The following TMEM87A variants were observed in gnomAD, a reference collection of about 807,000 sequenced individuals.
TMEM87A encodes Golgi-pH regulating cation channel.
TMEM87A carries 50 observed loss-of-function variants against 90.0 expected under a neutral mutation model. The ratio of observed to expected loss-of-function variants is 0.56; its 90% CI spans 0.44 to 0.70. The LOEUF (loss-of-function observed/expected upper bound fraction) is 0.70, where lower values mean the gene tolerates loss of function less well. TMEM87A is among the 30% of genes least tolerant of loss of function. The pLI is 0.00. For synonymous variants in TMEM87A, 226 were observed against 226.7 expected, an observed-to-expected ratio of 1.00 and a Z score of 0.03; for missense variants, 577 against 660.5, an observed-to-expected ratio of 0.87 and a Z score of 1.39.
intron 13 of TMEM87A, 65 bp from the exon 14 acceptor site, chr15:42,227,834 C>CA: frequency 1.4e-6 from 2 of 1,457,906 alleles, no homozygotes; most frequent in Non-Finnish European, 1.9e-6. Flanking sequence ...TTACATTCCC[C>CA]CATTTCCGGT....
chr15:42,244,214 A>G (rs1397285965), intron 6 of TMEM87A, 47 bp from the exon 7 acceptor site: 9 of 1,321,470 alleles, frequency 6.8e-6, no homozygotes, highest in African/African-American at 1.5e-5. Context: ...AAGAATTAAG[A>G]GCACAAATTA....
chr15:42,255,162 T>C (rs2051153846), intron 6 of TMEM87A, among the ~76,000 whole-genome samples: 1 of 151,900 alleles, frequency 6.6e-6, no homozygotes, highest in Non-Finnish European at 1.5e-5. Flanking sequence ...AGACGGAGTT[T>C]TGCTCTTGTC....
rs779660502 is a variant in TMEM87A at position 42,226,903 on chromosome 15, G to T, written c.1306C>A (p.Arg436=). ...FRIVTCQSDW[R]ELWVDDAIWR... ...ATGGCATCGTCTACCCACAGCTCCCGCCAGTCCTACAATACAGGGGAGAAG... is the reference window on the plus strand; with the variant it reads ...ATGGCATCGTCTACCCACAGCTCCCTCCAGTCCTACAATACAGGGGAGAAG... Residue 436 remains arginine, a synonymous_variant, in exon 15 of 20, where the codon CGG becomes AGG. Coordinates refer to ENST00000389834, the MANE Select transcript of TMEM87A (RefSeq NM_015497.5). 3 of 1,613,692 alleles carry T rather than the reference G, an allele frequency of 1.9e-6. No individual in the cohort carries two copies. In the East Asian group the frequency reaches 6.7e-5, roughly 36 times the overall value.
Position 42,236,405 on chromosome 15 carries a change from T to G in TMEM87A, c.883A>C (p.Ile295Leu). The part of the protein sequence containing the change: ...YKGESVQGAL[I>L]LAELLSAVKR... ...ACTGCTGAAAGCAGCTCTGCAAGGATCAAAGCACCCTGGACTATGAAAAAG... is the reference window on the plus strand; with the variant it reads ...ACTGCTGAAAGCAGCTCTGCAAGGAGCAAAGCACCCTGGACTATGAAAAAG... The change falls in exon 10 of 20, where the codon ATC becomes CTC. Residue 295 changes from isoleucine (I) to leucine (L), a missense_variant. Coordinates refer to ENST00000389834, the MANE Select transcript of TMEM87A (RefSeq NM_015497.5). 1 of 1,614,030 alleles carries G rather than the reference T, an allele frequency of 6.2e-7. No homozygotes were observed.
In TMEM87A at chr15:42,260,963, T is replaced by C. The variant is rs2051277247; in HGVS notation, c.499A>G (p.Lys167Glu). 2.5e-6 allele frequency: 4 copies of C among 1,608,378 alleles called. No homozygotes were observed. In the East Asian group the frequency reaches 9.0e-5, roughly 36 times the overall value. Residue 167 changes from lysine to glutamate, a missense_variant, in exon 6 of 20, where the codon AAA becomes GAA. Coordinates refer to ENST00000389834, the MANE Select transcript of TMEM87A (RefSeq NM_015497.5). ...AAATCCCCAAATATACTTACGGTTT[T>C]GTCTCCAATAAAGGTAAGGTTTGTT... ...NGTNLTFIGD[K>E]TAMHEPLQTW...
At chr15:42,227,525 A>G (rs897031344) in intron 14 of TMEM87A, 186 bp downstream of exon 14, 19 of 492,364 alleles carry the variant, frequency 3.9e-5, no homozygotes, top group Non-Finnish European at 6.4e-5. Flanking sequence ...CAAACAAAAA[A>G]CTACTATACC....
intron 7 of TMEM87A, among the ~76,000 whole-genome samples, chr15:42,240,547 G>C (rs56851540): frequency 0.02 from 3,093 of 152,236 alleles, 113 homozygotes; most frequent in African/African-American, 0.071. Flanking sequence ...ACATATATCT[G>C]AAAGACATAT....
At chr15:42,245,504 CAT>C (rs1475855448) in intron 6 of TMEM87A, among the ~76,000 whole-genome samples, 2 of 149,908 alleles carry the variant, frequency 1.3e-5, no homozygotes. Context: ...CTCTGTTAAG[CAT>C]ATGACATTTA....
intron 2 of TMEM87A, among the ~76,000 whole-genome samples, chr15:42,268,409 T>C (rs1429511141): frequency 6.6e-6 from 1 of 152,202 alleles, no homozygotes. Context: ...AGCTCACACC[T>C]ATAACCCCAG....
intron 12 of TMEM87A, among the ~76,000 whole-genome samples, chr15:42,229,432 AAGAC>A (rs973141320): frequency 2.0e-5 from 3 of 152,296 alleles, no homozygotes; most frequent in East Asian, 1.9e-4. Flanking sequence ...ACAAAAAAAA[AAGAC>A]AGAAAATAAA....
At chr15:42,252,230 C>T (rs373005200) in intron 6 of TMEM87A, among the ~76,000 whole-genome samples, 11 of 152,150 alleles carry the variant, frequency 7.2e-5, no homozygotes, top group African/African-American at 1.9e-4. Flanking sequence ...TGCCCTGCTT[C>T]GGCTTGCCCT....
chr15:42,220,930 T>C (rs2050468426), intron 15 of TMEM87A, among the ~76,000 whole-genome samples: 1 of 151,948 alleles, frequency 6.6e-6, no homozygotes, highest in Non-Finnish European at 1.5e-5. Flanking sequence ...TAGCTGGGAG[T>C]ACAGGCGCCC....
intron 17 of TMEM87A, 28 bp from the exon 18 acceptor site, chr15:42,218,406 C>T (rs1293299419): frequency 1.9e-6 from 3 of 1,608,194 alleles, no homozygotes; most frequent in Non-Finnish European, 2.6e-6. Context: ...CCACTCATTA[C>T]TAAAATGCAC....
intron 10 of TMEM87A, 48 bp from the exon 11 acceptor site, chr15:42,233,354 G>C: frequency 1.4e-6 from 2 of 1,425,070 alleles, no homozygotes; most frequent in Non-Finnish European, 2.0e-6. Flanking sequence ...GACAAATGCC[G>C]AAACAAGCTA....
At chr15:42,231,449 A>G (rs2140934130) in intron 11 of TMEM87A, among the ~76,000 whole-genome samples, 189 bp from the exon 12 acceptor site, 1 of 152,364 alleles carries the variant, frequency 6.6e-6, no homozygotes, top group African/African-American at 2.4e-5. Flanking sequence ...ATATACAGCT[A>G]TAAGCATTTC....
chr15:42,273,344 C>G lies in TMEM87A; in HGVS notation c.55G>C (p.Ala19Pro). 1 of 1,614,106 alleles carries G rather than the reference C, an allele frequency of 6.2e-7. No individual in the cohort carries two copies. Among genetic ancestry groups the G allele is most frequent in the Non-Finnish European group, 8.5e-7 (1 of 1,180,032 alleles). ...AAAAACGACAGTGGTGACGGGTGAG[C>G]TCCCAGAAGCAGAAGAATGACAGGC... ...VLPVILLLLG[A>P]HPSPLSFFSA... The change falls in exon 1 of 20, where the codon GCT (alanine) becomes CCT (proline). Residue 19 changes from alanine to proline, a missense_variant. Physicochemically the swap from Ala to Pro is conservative, Grantham distance 27. Transcript: ENST00000389834.
chr15:42,219,419 C>T (rs995320877), intron 17 of TMEM87A, among the ~76,000 whole-genome samples, 162 bp downstream of exon 17: 1 of 152,088 alleles, frequency 6.6e-6, no homozygotes, highest in African/African-American at 2.4e-5. Context: ...ACTCTCACTT[C>T]TCTATTTTTG....
intron 10 of TMEM87A, among the ~76,000 whole-genome samples, chr15:42,235,855 A>T (rs1262475608): frequency 2.0e-5 from 3 of 152,202 alleles, no homozygotes; most frequent in Non-Finnish European, 4.4e-5. Flanking sequence ...ATGTAAGCTC[A>T]AAATCTTCTG....
intron 8 of TMEM87A, among the ~76,000 whole-genome samples, chr15:42,238,183 T>C (rs2050810027): frequency 6.6e-6 from 1 of 152,094 alleles, no homozygotes; most frequent in Admixed American, 6.6e-5. Context: ...ACACCTGCAA[T>C]AGTGCTTTGG....
Sources: gnomAD v4.1 joint callset for allele counts (sites outside exome capture counted in the v4.1 genomes callset) on GRCh38, gnomAD v4.1.1 for gene constraint, MANE v1.5 for transcripts, NCBI Gene and HGNC (gene_info 2026-07-23, HGNC 2026-07-21) for gene names.